Variants in MTHFD2L observed in about 807,000 individuals in gnomAD.
MTHFD2L encodes bifunctional methylenetetrahydrofolate dehydrogenase/cyclohydrolase 2, mitochondrial.
Under a neutral mutation model 34.9 loss-of-function variants are expected in MTHFD2L, and 29 were observed. That is an observed-to-expected ratio of 0.83 (90% CI 0.62 to 1.13). MTHFD2L has a LOEUF of 1.13. Among genes scored for constraint, MTHFD2L ranks in the 50% most tolerant of loss-of-function variants. MTHFD2L has a pLI of 0.00. For synonymous variants in MTHFD2L, 167 were observed against 155.7 expected (o/e 1.07, Z -0.54); for missense variants, 481 against 446.5 (o/e 1.08, Z -0.70).
chr4:74,195,911 T>G (rs1487079089), intron 3 of MTHFD2L: 1 of 152,420 alleles, frequency 6.6e-6, no homozygotes, highest in Non-Finnish European at 1.5e-5. Context: ...ATCAGAACAT[T>G]CCTCTATCTC....
At chr4:74,203,151 A>G (rs536863491) in intron 5 of MTHFD2L, among the ~76,000 whole-genome samples, 2 of 152,240 alleles carry the variant, frequency 1.3e-5, no homozygotes, top group South Asian at 2.1e-4. Flanking sequence ...ATACATATAT[A>G]TATGTGAATC....
At chr4:74,284,599 A>G (rs1173709907) in intron 7 of MTHFD2L, among the ~76,000 whole-genome samples, 2 of 151,976 alleles carry the variant, frequency 1.3e-5, no homozygotes, top group Admixed American at 1.3e-4. Flanking sequence ...TTATCATATA[A>G]GTAGATGCAA....
At chr4:74,184,819 C>G (rs1169630911) in intron 3 of MTHFD2L, among the ~76,000 whole-genome samples, 7 of 152,092 alleles carry the variant, frequency 4.6e-5, no homozygotes, top group African/African-American at 1.7e-4. Flanking sequence ...AACATGTTCT[C>G]TGACCACAAT....
chr4:74,122,877 T>C (rs1376520329), upstream of MTHFD2L, among the ~76,000 whole-genome samples: 1 of 152,214 alleles, frequency 6.6e-6, no homozygotes, highest in East Asian at 1.9e-4. Flanking sequence ...ATAGTTGTAT[T>C]CTGCTTTTAT....
At chr4:74,193,709 T>C (rs1732977533) in intron 3 of MTHFD2L, among the ~76,000 whole-genome samples, 1 of 152,224 alleles carries the variant, frequency 6.6e-6, no homozygotes, top group Admixed American at 6.5e-5. Context: ...TTGTAAAATT[T>C]CATTTTTCTG....
chr4:74,266,945 T>C, intron 6 of MTHFD2L: 1 of 985,412 alleles, frequency 1.0e-6, no homozygotes, highest in Non-Finnish European at 1.2e-6. Context: ...AGGAGGTACA[T>C]CTTTAAAAGA....
chr4:74,163,957 ACT>A (rs1374617174), intron 1 of MTHFD2L, among the ~76,000 whole-genome samples: 1 of 151,310 alleles, frequency 6.6e-6, no homozygotes, highest in Non-Finnish European at 1.5e-5. Context: ...CTCACTGCAA[ACT>A]CTGCCTCCCG....
intron 6 of MTHFD2L, among the ~76,000 whole-genome samples, chr4:74,263,212 C>T (rs1233109707): frequency 2.0e-5 from 3 of 151,688 alleles, no homozygotes; most frequent in Non-Finnish European, 3.0e-5. Flanking sequence ...ACCAGTACCA[C>T]GTTGTTTTGG....
At chr4:74,162,200 A>G (rs749754591) in intron 1 of MTHFD2L, 8 of 152,208 alleles carry the variant, frequency 5.3e-5, no homozygotes, top group African/African-American at 1.2e-4. Flanking sequence ...TATTGTTTTT[A>G]TTAGCATTTC....
intron 6 of MTHFD2L, among the ~76,000 whole-genome samples, chr4:74,230,416 C>G (rs751424295): frequency 6.6e-6 from 1 of 151,334 alleles, no homozygotes; most frequent in African/African-American, 2.4e-5. Flanking sequence ...ATGGTGAAAC[C>G]CTGTCTCTAC....
At chr4:74,295,087 A>C (rs994733063) in intron 7 of MTHFD2L, among the ~76,000 whole-genome samples, 1 of 152,134 alleles carries the variant, frequency 6.6e-6, no homozygotes, top group African/African-American at 2.4e-5. Context: ...AAGTTTATTC[A>C]TGAAAGACTC....
intron 5 of MTHFD2L, among the ~76,000 whole-genome samples, chr4:74,218,575 T>C (rs932988572): frequency 1.3e-5 from 2 of 151,814 alleles, no homozygotes; most frequent in Non-Finnish European, 2.9e-5. Flanking sequence ...GGCCCGGAAA[T>C]GTCCAAGAAC....
chr4:74,294,946 C>A (rs1560569071), intron 7 of MTHFD2L, among the ~76,000 whole-genome samples: 1 of 152,004 alleles, frequency 6.6e-6, no homozygotes, highest in Non-Finnish European at 1.5e-5. Context: ...GATGCAATAG[C>A]CTGAAACTTC....
intron 1 of MTHFD2L, among the ~76,000 whole-genome samples, chr4:74,170,945 A>G (rs981531854): frequency 1.6e-5 from 2 of 126,494 alleles, no homozygotes; most frequent in Non-Finnish European, 3.1e-5. Flanking sequence ...ACATGCACAC[A>G]GGAAGGGGAA....
At chr4:74,262,517 TATATAA>T (rs1329234029) in intron 6 of MTHFD2L, among the ~76,000 whole-genome samples, 1 of 152,004 alleles carries the variant, frequency 6.6e-6, no homozygotes, top group Non-Finnish European at 1.5e-5. Flanking sequence ...GTATGCAGCA[TATATAA>T]ATATGTTTTT....
chr4:74,245,998 T>A (rs1332028230), intron 6 of MTHFD2L, among the ~76,000 whole-genome samples: 1 of 147,986 alleles, frequency 6.8e-6, no homozygotes, highest in Non-Finnish European at 1.5e-5. Flanking sequence ...TACCCAGTAA[T>A]GGGATGGCTG....
At chr4:74,153,763 CTT>C (rs906334284), upstream of MTHFD2L, among the ~76,000 whole-genome samples, 7 of 152,050 alleles carry the variant, frequency 4.6e-5, no homozygotes, top group African/African-American at 1.7e-4. Context: ...AAAAAATAGA[CTT>C]TATTTTATAG....
At chr4:74,250,790 T>A (rs1743195045) in intron 6 of MTHFD2L, among the ~76,000 whole-genome samples, 4 of 152,144 alleles carry the variant, frequency 2.6e-5, no homozygotes, top group South Asian at 4.1e-4. Context: ...ACAACACACA[T>A]CTGTATGTGT....
intron 6 of MTHFD2L, among the ~76,000 whole-genome samples, chr4:74,263,402 T>G (rs1560541573): frequency 6.6e-6 from 1 of 152,106 alleles, no homozygotes; most frequent in Non-Finnish European, 1.5e-5. Flanking sequence ...ATTGAATCTA[T>G]AAATTGCTTT....
Sources: gnomAD v4.1 joint callset for allele counts (sites outside exome capture counted in the v4.1 genomes callset) on GRCh38, gnomAD v4.1.1 for gene constraint, MANE v1.5 for transcripts, NCBI Gene and HGNC (gene_info 2026-07-23, HGNC 2026-07-21) for gene names.